Variants in AGAP1 observed in about 807,000 individuals in gnomAD.
AGAP1 encodes arf-GAP with GTPase, ANK repeat and PH domain-containing protein 1.
Under a neutral mutation model 105.3 loss-of-function variants are expected in AGAP1, and 29 were observed. The ratio of observed to expected loss-of-function variants is 0.28; its 90% CI spans 0.21 to 0.38. The LOEUF (loss-of-function observed/expected upper bound fraction) is 0.38, where lower values mean the gene tolerates loss of function less well. AGAP1 is among the 10% of genes least tolerant of loss of function. AGAP1 has a pLI of 1.00. For missense variants in AGAP1, 998 were observed against 1,165.1 expected, an observed-to-expected ratio of 0.86 and a Z score of 2.09; for synonymous variants, 509 against 485.9, an observed-to-expected ratio of 1.05 and a Z score of -0.63.
intron 1 of AGAP1, among the ~76,000 whole-genome samples, chr2:235,685,084 G>C (rs567587465): frequency 6.6e-6 from 1 of 152,114 alleles, no homozygotes; most frequent in Non-Finnish European, 1.5e-5. Context: ...TGGGTGGGCC[G>C]AGGTTGAGTG....
At chr2:235,895,300 G>A (rs975558756) in intron 10 of AGAP1, among the ~76,000 whole-genome samples, 3 of 151,998 alleles carry the variant, frequency 2.0e-5, no homozygotes, top group Non-Finnish European at 2.9e-5. Flanking sequence ...CCCCTCTCCC[G>A]CTTGGTTGAT....
At chr2:235,794,723 C>T (rs137883188) in intron 6 of AGAP1, among the ~76,000 whole-genome samples, 2,155 of 152,240 alleles carry the variant, frequency 0.014, 40 homozygotes, top group African/African-American at 0.049. Flanking sequence ...CTGCCCGCCT[C>T]GGCCTCCCAG....
Position 235,701,438 on chromosome 2 carries a change from T to G in AGAP1, c.164-7741T>G, listed in dbSNP as rs184400094. Among the ~76,000 whole-genome samples, 102 of 152,214 alleles carry G rather than the reference T, an allele frequency of 6.7e-4. No individual in the cohort carries two copies. Among genetic ancestry groups the G allele is most frequent in the African/African-American group, 2.4e-3 (99 of 41,538 alleles). On this transcript the variant is annotated intron_variant, in intron 1 of 17. Transcript: ENST00000304032. The surrounding 1 kb of genome is among the most constrained non-coding windows in gnomAD (Gnocchi z 4.1). ...CTTGGTGGCCAGGTGTTCGTCACCC[T>G]GCACTGAGAGGGCCTGGTGAATGGC...
intron 11 of AGAP1, among the ~76,000 whole-genome samples, chr2:235,913,332 G>C (rs2051712549): frequency 6.6e-6 from 1 of 152,118 alleles, no homozygotes; most frequent in Admixed American, 6.5e-5. Flanking sequence ...GTATATGCAT[G>C]TATTTAGCCC....
At chr2:236,029,690 TTTTCTTTTCTCTTTCCC>T (rs1315289027) in intron 13 of AGAP1, among the ~76,000 whole-genome samples, 2 of 152,082 alleles carry the variant, frequency 1.3e-5, no homozygotes, top group African/African-American at 4.8e-5. Context: ...TTCTTTTTCT[TTTTCTTTTCTCTTTCCC>T]TTTCTTTTCT....
chr2:235,943,409 C>T (rs1382923905), intron 12 of AGAP1, among the ~76,000 whole-genome samples: 1 of 147,108 alleles, frequency 6.8e-6, no homozygotes, highest in South Asian at 2.1e-4. Context: ...GTCACCCAGG[C>T]TGGAGTGCAG....
rs545110283 is a variant in AGAP1 at position 235,690,079 on chromosome 2, T to G, written c.164-19100T>G. Among the ~76,000 whole-genome samples the G allele has an allele frequency of 6.6e-6, 1 of 151,862 alleles. No homozygotes were observed. The highest frequency in any genetic ancestry group is 1.9e-4 in the East Asian group (1 of 5,132). ...CCCCTGGGTGTCTCTCCCTCGGGGT[T>G]TTCATGCAGTATTGACACTCTCTTC... is the stretch of plus-strand genomic sequence containing the variant. On this transcript the variant is annotated intron_variant, in intron 1 of 17. Coordinates refer to ENST00000304032, the MANE Select transcript of AGAP1 (RefSeq NM_001037131.3). The surrounding 1 kb of genome is among the most constrained non-coding windows in gnomAD (Gnocchi z 4.1).
rs1319259886 is a variant in AGAP1 at position 235,705,874 on chromosome 2, T to C, written c.164-3305T>C. 6.6e-6 allele frequency among the ~76,000 whole-genome samples: 1 copy of C among 152,228 alleles called. No individual in the cohort carries two copies. The highest frequency in any genetic ancestry group is 2.4e-5 in the African/African-American group (1 of 41,458). On this transcript the variant is annotated intron_variant, in intron 1 of 17. Coordinates refer to ENST00000304032, the MANE Select transcript of AGAP1 (RefSeq NM_001037131.3). The surrounding 1 kb of genome is among the most constrained non-coding windows in gnomAD (Gnocchi z 4.9). Reference sequence around the variant, plus strand: ...CTTTGTTTAATGGAGCACTGCTTAATTTATAATGAATATTTTATATTGTTA... The same window carrying C: ...CTTTGTTTAATGGAGCACTGCTTAACTTATAATGAATATTTTATATTGTTA...
In AGAP1 at chr2:236,104,903, G is replaced by GA. The variant is rs879856264; in HGVS notation, c.2115-15279dup. Among the ~76,000 whole-genome samples, 29 of 148,002 alleles carry GA rather than the reference G, an allele frequency of 2.0e-4. No individual in the cohort carries two copies. The highest frequency in any genetic ancestry group is 4.5e-4 in the African/African-American group (18 of 40,420). On this transcript the variant is annotated intron_variant, in intron 16 of 17. Coordinates refer to ENST00000304032, the MANE Select transcript of AGAP1 (RefSeq NM_001037131.3). This position sits in a 1 kb window ranked among gnomAD's most constrained non-coding sequence, Gnocchi z 4.7. ...CTACAGAGCGAGACTCTGTCTCAAG[G>GA]AAAAAAAAAAGGACTAGCGTGCACA...
At chr2:235,766,386 C>T (rs571739598) in intron 6 of AGAP1, among the ~76,000 whole-genome samples, 7 of 152,230 alleles carry the variant, frequency 4.6e-5, no homozygotes, top group African/African-American at 1.7e-4. Context: ...TTTAGTAAAC[C>T]GCCACTAGGG....
At chr2:235,694,868 C>T (rs1336071164) in intron 1 of AGAP1, among the ~76,000 whole-genome samples, 7 of 152,170 alleles carry the variant, frequency 4.6e-5, no homozygotes, top group Admixed American at 4.6e-4. Context: ...TGAAGAGAGG[C>T]TGTGTAAGCA....
chr2:236,030,756 T>G (rs946647991), intron 13 of AGAP1, among the ~76,000 whole-genome samples: 1 of 152,184 alleles, frequency 6.6e-6, no homozygotes, highest in African/African-American at 2.4e-5. Context: ...GGAGAAATGC[T>G]TAAGTGTTGG....
chr2:235,533,955 A>G (rs988168840), intron 1 of AGAP1, among the ~76,000 whole-genome samples: 7 of 152,234 alleles, frequency 4.6e-5, no homozygotes, highest in Non-Finnish European at 7.3e-5. Context: ...CCAATACTTC[A>G]TCCAAAGAAC....
intron 13 of AGAP1, among the ~76,000 whole-genome samples, chr2:235,974,200 C>T (rs1453229432): frequency 1.3e-5 from 2 of 152,206 alleles, no homozygotes. Context: ...TGGTAGGTGA[C>T]AGAACTGTCT....
chr2:235,714,166 A>C lies in AGAP1; in HGVS notation c.223-3391A>C, dbSNP rs936662280. On this transcript the variant is annotated intron_variant, in intron 2 of 17. Coordinates refer to ENST00000304032, the MANE Select transcript of AGAP1 (RefSeq NM_001037131.3). This position sits in a 1 kb window ranked among gnomAD's most constrained non-coding sequence, Gnocchi z 4.1. ...GTAGCTGGGATTACAGGCATGCACC[A>C]CCACAGCTGGCTAATTTTTATATTT... 6.6e-6 allele frequency among the ~76,000 whole-genome samples: 1 copy of C among 152,012 alleles called. No individual in the cohort carries two copies. The highest frequency in any genetic ancestry group is 2.4e-5 in the African/African-American group (1 of 41,380).
intron 1 of AGAP1, among the ~76,000 whole-genome samples, chr2:235,604,624 C>T (rs1438091975): frequency 1.6e-5 from 2 of 126,128 alleles, no homozygotes; most frequent in Non-Finnish European, 3.2e-5. Context: ...GCTCTGTTGC[C>T]CAGGCTGGAG....
rs2058953451 is a variant in AGAP1 at position 236,087,249 on chromosome 2, G to A, written c.2115-32943G>A. On this transcript the variant is annotated intron_variant, in intron 16 of 17. Coordinates refer to ENST00000304032, the MANE Select transcript of AGAP1 (RefSeq NM_001037131.3). This position sits in a 1 kb window ranked among gnomAD's most constrained non-coding sequence, Gnocchi z 5.7. ...CCTTCTCATTATGGAGCCCATCAGG[G>A]GACAGGGCATTCCAGTGTTATTTAG... Among the ~76,000 whole-genome samples, 1 of 152,048 alleles carries A rather than the reference G, an allele frequency of 6.6e-6. No homozygotes were observed. Among genetic ancestry groups the A allele is most frequent in the African/African-American group, 2.4e-5 (1 of 41,380 alleles).
Position 235,752,187 on chromosome 2 carries a change from C to CT in AGAP1, c.673+1707dup, listed in dbSNP as rs944435612. Among the ~76,000 whole-genome samples the CT allele has an allele frequency of 8.6e-5, 13 of 151,948 alleles. No homozygotes were observed. Among genetic ancestry groups the CT allele is most frequent in the Non-Finnish European group, 1.9e-4 (13 of 67,974 alleles). Reference sequence around the variant, plus strand: ...CTGTTTTCATAAATAGACTTTTCTTCTTTTTTTTGGAGACAGAGTCTAGCT... The same window carrying CT: ...CTGTTTTCATAAATAGACTTTTCTTCTTTTTTTTTGGAGACAGAGTCTAGCT... On this transcript the variant is annotated intron_variant, in intron 6 of 17. Transcript: ENST00000304032. This position sits in a 1 kb window ranked among gnomAD's most constrained non-coding sequence, Gnocchi z 4.3.
rs540729950 is a variant in AGAP1 at position 235,510,398 on chromosome 2, T to G, written c.163+15549T>G. On this transcript the variant is annotated intron_variant, in intron 1 of 17. Transcript: ENST00000304032. ...TCCATAGCTTTTTCTTTTTCATTGC[T>G]GAGTAATGTTCCATTGTATGGATTT... is the stretch of plus-strand genomic sequence containing the variant. Among the ~76,000 whole-genome samples the G allele has an allele frequency of 1.6e-4, 25 of 152,370 alleles. 1 individual carries two copies. Among genetic ancestry groups the G allele is most frequent in the African/African-American group, 5.8e-4 (24 of 41,598 alleles).
Sources: allele counts gnomAD v4.1 joint callset (sites outside exome capture counted in the v4.1 genomes callset), GRCh38; gene constraint gnomAD v4.1.1; non-coding constraint Gnocchi (gnomAD v3.1); transcripts MANE v1.5; gene names NCBI Gene and HGNC (gene_info 2026-07-23, HGNC 2026-07-21).